Variants in SETBP1 observed in about 807,000 individuals in gnomAD.
The protein encoded by SETBP1 is SET binding protein 1.
SETBP1 carries 9 observed loss-of-function variants against 101.0 expected under a neutral mutation model. The observed-to-expected ratio is 0.09, with a 90% CI of 0.05 to 0.16. The LOEUF (loss-of-function observed/expected upper bound fraction) is 0.16, where lower values mean the gene tolerates loss of function less well. Ranked by LOEUF, SETBP1 falls within the 10% of genes least tolerant of loss-of-function variation. SETBP1 has a pLI of 1.00. For missense variants in SETBP1, 1,858 were observed against 2,033.8 expected, an observed-to-expected ratio of 0.91 and a Z score of 1.66; for synonymous variants, 818 against 788.5, an observed-to-expected ratio of 1.04 and a Z score of -0.63.
In SETBP1 at chr18:44,950,368, T is replaced by A. The variant is rs2071312536; in HGVS notation, c.1028T>A (p.Ile343Lys). Residue 343 changes from isoleucine to lysine, a missense_variant, in exon 4 of 6, where the codon ATA becomes AAA. Physicochemically the swap from Ile to Lys is moderately radical, Grantham distance 102 (BLOSUM62 -3). Transcript: ENST00000649279. ...AAAAAGTCCAGTAAAAAAGATGTGA[T>A]AAGTCAGACCATACCAAACCCAGAC... ...SKKKSSKKDVISQTIPNPDLD... is the reference protein window; with the variant it reads ...SKKKSSKKDVKSQTIPNPDLD... 1 of 1,614,070 alleles carries A rather than the reference T, an allele frequency of 6.2e-7. No individual in the cohort carries two copies. Among genetic ancestry groups the A allele is most frequent in the Non-Finnish European group, 8.5e-7 (1 of 1,180,030 alleles).
At chr18:44,990,743 T>C (rs954413985) in intron 4 of SETBP1, among the ~76,000 whole-genome samples, 2 of 151,594 alleles carry the variant, frequency 1.3e-5, no homozygotes, top group African/African-American at 4.8e-5. Flanking sequence ...AGCATAGAAG[T>C]ACTAAATAAT....
chr18:44,785,511 T>C (rs1018365035), intron 2 of SETBP1, among the ~76,000 whole-genome samples: 2 of 152,256 alleles, frequency 1.3e-5, no homozygotes, highest in Non-Finnish European at 1.5e-5. Flanking sequence ...ATTTGCTCTA[T>C]GTTTTCTCTT....
chr18:44,972,462 C>T lies in SETBP1; in HGVS notation c.4000+19122C>T, dbSNP rs548392901. Among the ~76,000 whole-genome samples, 42 of 152,226 alleles carry T rather than the reference C, an allele frequency of 2.8e-4. No individual in the cohort carries two copies. The South Asian group carries it at 6.6e-3, about 24-fold the overall frequency. Reference sequence around the variant, plus strand: ...ATGGCATTGAATCTAGAAATTACCTCGGGCAGTATGGCCATTTTCAAGATA... The same window carrying T: ...ATGGCATTGAATCTAGAAATTACCTTGGGCAGTATGGCCATTTTCAAGATA... On this transcript the variant is annotated intron_variant, in intron 4 of 5. Coordinates refer to ENST00000649279, the MANE Select transcript of SETBP1 (RefSeq NM_015559.3).
intron 5 of SETBP1, among the ~76,000 whole-genome samples, chr18:45,061,602 G>A (rs1051577474): frequency 8.5e-5 from 13 of 152,208 alleles, no homozygotes; most frequent in Non-Finnish European, 1.3e-4. Flanking sequence ...ACTCCATGAA[G>A]CTGGGGGTGT....
chr18:44,711,633 C>T (rs1292475356), intron 2 of SETBP1, among the ~76,000 whole-genome samples: 2 of 151,384 alleles, frequency 1.3e-5, no homozygotes, highest in Non-Finnish European at 2.9e-5. Context: ...TCAAGTGATC[C>T]TTTCAGCTCA....
intron 3 of SETBP1, among the ~76,000 whole-genome samples, chr18:44,942,153 G>C (rs1312437186): frequency 6.6e-6 from 1 of 152,140 alleles, no homozygotes; most frequent in Non-Finnish European, 1.5e-5. Context: ...GACTCGAGTA[G>C]CTTTTATTCT....
intron 5 of SETBP1, among the ~76,000 whole-genome samples, chr18:45,040,416 A>C (rs891825017): frequency 2.0e-4 from 30 of 152,196 alleles, no homozygotes; most frequent in African/African-American, 7.0e-4. Context: ...GACTTCAAAA[A>C]AGACATCATT....
chr18:44,992,099 AG>A (rs767207435), intron 4 of SETBP1, among the ~76,000 whole-genome samples: 3 of 152,154 alleles, frequency 2.0e-5, no homozygotes, highest in Non-Finnish European at 2.9e-5. Context: ...GGCTGCAGCT[AG>A]GTTGATTCTT....
chr18:44,929,238 T>C (rs2070770418), intron 3 of SETBP1, among the ~76,000 whole-genome samples: 1 of 152,200 alleles, frequency 6.6e-6, no homozygotes, highest in African/African-American at 2.4e-5. Flanking sequence ...AAAGATCAGA[T>C]GGTTGTAGAT....
chr18:44,876,809 C>G, intron 3 of SETBP1: 1 of 1,442,444 alleles, frequency 6.9e-7, no homozygotes, highest in South Asian at 1.6e-5. Context: ...TCTTTCCATT[C>G]AACAATGGAG....
chr18:44,792,311 G>A (rs1451581809), intron 2 of SETBP1, among the ~76,000 whole-genome samples: 1 of 152,150 alleles, frequency 6.6e-6, no homozygotes, highest in African/African-American at 2.4e-5. Context: ...TGAGAGAGAA[G>A]ATATCCATGT....
chr18:44,981,191 C>T (rs1210437270), intron 4 of SETBP1, among the ~76,000 whole-genome samples: 1 of 152,198 alleles, frequency 6.6e-6, no homozygotes, highest in Non-Finnish European at 1.5e-5. Flanking sequence ...CCGTAACATC[C>T]TGTGAATCCC....
intron 2 of SETBP1, among the ~76,000 whole-genome samples, chr18:44,765,874 A>G (rs911864840): frequency 3.9e-5 from 6 of 152,250 alleles, no homozygotes; most frequent in Admixed American, 6.5e-5. Context: ...ATAAGAAAAG[A>G]AAAGGGGCTT....
chr18:45,004,973 G>A (rs2072694130), intron 4 of SETBP1, among the ~76,000 whole-genome samples: 1 of 152,174 alleles, frequency 6.6e-6, no homozygotes, highest in Non-Finnish European at 1.5e-5. Context: ...GTGGGACAAA[G>A]GAATTTCATG....
intron 1 of SETBP1, among the ~76,000 whole-genome samples, chr18:44,693,723 C>G (rs897565982): frequency 6.6e-6 from 1 of 152,154 alleles, no homozygotes; most frequent in African/African-American, 2.4e-5. Context: ...GTTGAAAATA[C>G]AATTTCTTCC....
chr18:44,995,669 G>A (rs796207488), intron 4 of SETBP1, among the ~76,000 whole-genome samples: 7 of 152,080 alleles, frequency 4.6e-5, no homozygotes, highest in African/African-American at 1.7e-4. Context: ...CATGGTTCTG[G>A]AGGCTGGGAA....
intron 4 of SETBP1, among the ~76,000 whole-genome samples, chr18:45,004,703 A>G (rs2072688581): frequency 6.6e-6 from 1 of 152,128 alleles, no homozygotes; most frequent in Non-Finnish European, 1.5e-5. Flanking sequence ...GGCTCATAAC[A>G]TATCTATTTA....
intron 4 of SETBP1, chr18:44,988,578 C>G (rs917033278): frequency 6.6e-6 from 1 of 152,132 alleles, no homozygotes; most frequent in Non-Finnish European, 1.5e-5. Flanking sequence ...AGGTAGCTAG[C>G]CTTAAAGTTG....
chr18:44,995,075 G>A (rs1476520255), intron 4 of SETBP1, among the ~76,000 whole-genome samples: 1 of 151,080 alleles, frequency 6.6e-6, no homozygotes, highest in Non-Finnish European at 1.5e-5. Flanking sequence ...AGTGTCAAAG[G>A]TATTGGCAAT....
Sources: allele counts gnomAD v4.1 joint callset (sites outside exome capture counted in the v4.1 genomes callset), GRCh38; gene constraint gnomAD v4.1.1; transcripts MANE v1.5; gene names NCBI Gene and HGNC (gene_info 2026-07-23, HGNC 2026-07-21).